FAM135A: variants seen among roughly 807,000 people sequenced by gnomAD.
The protein encoded by FAM135A is family with sequence similarity 135 member A, also known as protein FAM135A.
FAM135A carries 79 observed loss-of-function variants against 146.8 expected under a neutral mutation model. The observed-to-expected ratio is 0.54, with a 90% CI of 0.45 to 0.65. The LOEUF (loss-of-function observed/expected upper bound fraction) is 0.65. Ranked by LOEUF, FAM135A falls within the 30% of genes least tolerant of loss-of-function variation. The pLI is 0.00. For missense variants in FAM135A, 1,623 were observed against 1,758.2 expected, an observed-to-expected ratio of 0.92 and a Z score of 1.38; for synonymous variants, 562 against 603.6, an observed-to-expected ratio of 0.93 and a Z score of 1.01.
intron 8 of FAM135A, among the ~76,000 whole-genome samples, chr6:70,479,170 A>G (rs1158131610): frequency 1.3e-5 from 2 of 152,188 alleles, no homozygotes; most frequent in African/African-American, 2.4e-5. Flanking sequence ...CAAACAATTC[A>G]TAGGAGGTTA....
chr6:70,541,070 T>TA (rs1282763827), intron 20 of FAM135A, among the ~76,000 whole-genome samples: 3 of 152,242 alleles, frequency 2.0e-5, no homozygotes, highest in African/African-American at 7.2e-5. Flanking sequence ...GAAAGATTTA[T>TA]AATCTGTTCA....
chr6:70,537,227 C>T (rs1796959729), intron 19 of FAM135A, among the ~76,000 whole-genome samples: 1 of 152,148 alleles, frequency 6.6e-6, no homozygotes, highest in Admixed American at 6.5e-5. Context: ...AGCCACTGCG[C>T]CTGGCCTTGA....
chr6:70,549,351 C>T (rs1403618101), intron 20 of FAM135A, among the ~76,000 whole-genome samples: 1 of 151,832 alleles, frequency 6.6e-6, no homozygotes, highest in Admixed American at 6.6e-5. Flanking sequence ...GAAAAGCTGT[C>T]CCCAAAATAT....
At chr6:70,484,767 T>A (rs922423268) in intron 10 of FAM135A, among the ~76,000 whole-genome samples, 2 of 152,216 alleles carry the variant, frequency 1.3e-5, no homozygotes, top group Non-Finnish European at 2.9e-5. Context: ...CCTCCTGCTG[T>A]GCAGTCCAGT....
intron 2 of FAM135A, among the ~76,000 whole-genome samples, chr6:70,426,064 C>G (rs1257999676): frequency 6.6e-6 from 1 of 150,942 alleles, no homozygotes; most frequent in African/African-American, 2.4e-5. Context: ...GATTGCGCCA[C>G]TGCAGTCCGC....
intron 3 of FAM135A, among the ~76,000 whole-genome samples, chr6:70,427,544 A>G (rs896734415): frequency 1.3e-5 from 2 of 152,138 alleles, no homozygotes; most frequent in Non-Finnish European, 2.9e-5. Context: ...AAAAAAAAAA[A>G]AAAAAAATTA....
intron 2 of FAM135A, among the ~76,000 whole-genome samples, chr6:70,425,575 AT>A (rs1017824877): frequency 1.9e-4 from 29 of 152,322 alleles, no homozygotes; most frequent in African/African-American, 5.8e-4. Flanking sequence ...TTATTCCAAC[AT>A]TTTTAGTACC....
chr6:70,524,288 A>G (rs531950541), intron 14 of FAM135A, 55 bp from the exon 15 acceptor site: 198 of 1,437,406 alleles, frequency 1.4e-4, no homozygotes, highest in Middle Eastern at 9.1e-4. Context: ...AGTCTTAATC[A>G]TATGAGTTCT....
At chr6:70,422,869 G>A (rs530920615) in intron 2 of FAM135A, among the ~76,000 whole-genome samples, 30 of 152,274 alleles carry the variant, frequency 2.0e-4, no homozygotes, top group African/African-American at 6.7e-4. Context: ...TCCTGCCTTC[G>A]TGGAACTTTC....
At chr6:70,440,447 G>T (rs1774199871) in intron 4 of FAM135A, among the ~76,000 whole-genome samples, 1 of 152,160 alleles carries the variant, frequency 6.6e-6, no homozygotes, top group African/African-American at 2.4e-5. Context: ...AGCACTTTGA[G>T]AGGCTGAAGC....
In FAM135A at chr6:70,475,470, A is replaced by T; in HGVS notation, c.218A>T (p.Gln73Leu). 6.2e-7 allele frequency: 1 copy of T among 1,606,696 alleles called. No homozygotes were observed. The highest frequency in any genetic ancestry group is 8.5e-7 in the Non-Finnish European group (1 of 1,177,326). The change falls in exon 6 of 22, where the codon CAA becomes CTA. Residue 73 changes from glutamine to leucine, a missense_variant. This residue lies in a region of FAM135A where 171 missense variants were observed against 164.9 expected (regional missense o/e 1.04). Transcript: ENST00000418814. ...TCTCTAATTTGCAGTAAAACATTTC[A>T]AATTTTGTACAAAAATGAAGAGGTT... is the stretch of plus-strand genomic sequence containing the variant. ...HDSLICSKTF[Q>L]ILYKNEEVVL...
chr6:70,505,923 C>T (rs1255637339), intron 12 of FAM135A, among the ~76,000 whole-genome samples: 1 of 151,994 alleles, frequency 6.6e-6, no homozygotes, highest in African/African-American at 2.4e-5. Context: ...GGTCAATCAC[C>T]TTCTTTAAAG....
At chr6:70,460,106 T>G (rs1225014285) in intron 5 of FAM135A, among the ~76,000 whole-genome samples, 1 of 152,176 alleles carries the variant, frequency 6.6e-6, no homozygotes, top group Non-Finnish European at 1.5e-5. Flanking sequence ...ATGTAACAAC[T>G]TTTACCCGTG....
chr6:70,425,113 A>G (rs150312321), intron 2 of FAM135A, among the ~76,000 whole-genome samples: 133 of 148,966 alleles, frequency 8.9e-4, no homozygotes, highest in African/African-American at 3.2e-3. Context: ...ATTTATATAT[A>G]TAAAATACAT....
chr6:70,430,642 A>G (rs977716368), intron 4 of FAM135A, among the ~76,000 whole-genome samples: 2 of 152,244 alleles, frequency 1.3e-5, no homozygotes, highest in Admixed American at 1.3e-4. Flanking sequence ...ATGCCCATCA[A>G]CTTTCTAAAA....
chr6:70,455,813 ATTAT>A (rs147461730), intron 5 of FAM135A, among the ~76,000 whole-genome samples: 9,310 of 152,190 alleles, frequency 0.061, 779 homozygotes, highest in African/African-American at 0.19. Flanking sequence ...TTTGTTCCTT[ATTAT>A]TAAAGTTTCG....
chr6:70,540,054 T>G (rs549673700), intron 20 of FAM135A, among the ~76,000 whole-genome samples: 1 of 152,286 alleles, frequency 6.6e-6, no homozygotes, highest in Non-Finnish European at 1.5e-5. Context: ...GAAAAGATTC[T>G]CCTCTTGGGT....
At chr6:70,521,764 A>G (rs918958910) in intron 12 of FAM135A, among the ~76,000 whole-genome samples, 3 of 152,194 alleles carry the variant, frequency 2.0e-5, no homozygotes, top group African/African-American at 7.2e-5. Context: ...CTTTCCTTTC[A>G]TAATTAAAAA....
intron 2 of FAM135A, among the ~76,000 whole-genome samples, 190 bp from the exon 3 acceptor site, chr6:70,426,247 GAT>G (rs1770118391): frequency 6.6e-6 from 1 of 152,110 alleles, no homozygotes; most frequent in Admixed American, 6.5e-5. Flanking sequence ...CCTTAATAGA[GAT>G]ATAATAGTTA....
Sources: allele counts gnomAD v4.1 joint callset (sites outside exome capture counted in the v4.1 genomes callset), GRCh38; gene constraint gnomAD v4.1.1; regional missense constraint gnomAD v4.1.1; transcripts MANE v1.5; gene names NCBI Gene and HGNC (gene_info 2026-07-23, HGNC 2026-07-21).